Variants in IL31RA observed in about 807,000 individuals in gnomAD.
IL31RA encodes the protein interleukin 31 receptor A, also known as interleukin-31 receptor subunit alpha.
Under a neutral mutation model 83.7 loss-of-function variants are expected in IL31RA, and 66 were observed. That is an observed-to-expected ratio of 0.79 (90% CI 0.65 to 0.97). The LOEUF is 0.97. Ranked by LOEUF, IL31RA falls within the 50% of genes least tolerant of loss-of-function variation. IL31RA has a pLI of 0.00. For synonymous variants in IL31RA, 325 were observed against 329.0 expected (o/e 0.99, Z 0.13); for missense variants, 798 against 919.4 (o/e 0.87, Z 1.71).
intron 13 of IL31RA, 68 bp from the exon 14 acceptor site, chr5:55,914,779 T>G: frequency 8.9e-7 from 1 of 1,126,254 alleles, no homozygotes; most frequent in Non-Finnish European, 1.4e-6. Flanking sequence ...CTCACTCTTT[T>G]GACTCAGCCA....
At chr5:55,850,389 A>G (rs186916913), upstream of IL31RA, among the ~76,000 whole-genome samples, 7 of 152,136 alleles carry the variant, frequency 4.6e-5, no homozygotes, top group East Asian at 1.9e-4. Flanking sequence ...CTTTTCTTCT[A>G]TCTTCTGGAA....
rs1290962192 is a variant in IL31RA, at chr5:55,921,166, A to C, written c.*4046A>C. On this transcript the variant is annotated 3_prime_UTR_variant, in exon 15 of 15. Transcript: ENST00000652347. ...AGGTGTCCCCTCTTTTTTCTAATTT[A>C]AAATTTGTTTTAAATTCAACTTTAC... Among the ~76,000 whole-genome samples, 5 of 152,166 alleles carry C rather than the reference A, an allele frequency of 3.3e-5. No homozygotes were observed. The East Asian group carries it at 9.6e-4, about 29-fold the overall frequency.
Position 55,900,105 on chromosome 5 carries a change from C to T in IL31RA, c.1042C>T (p.Leu348=). The change falls in exon 8 of 15, where the codon CTG becomes TTG. Residue 348 remains leucine, a synonymous_variant. Transcript: ENST00000652347. ...NSLGKSPVAT[L]RIPAIQEKSF... is the part of the protein sequence containing the mutation. Reference sequence around the variant, plus strand: ...TCTTGGGAAGTCTCCAGTGGCCACCCTGAGGATTCCAGCTATTCAAGAAAA... The same window carrying T: ...TCTTGGGAAGTCTCCAGTGGCCACCTTGAGGATTCCAGCTATTCAAGAAAA... The T allele has an allele frequency of 6.2e-7, 1 of 1,613,650 alleles. No homozygotes were observed. Among genetic ancestry groups the T allele is most frequent in the Non-Finnish European group, 8.5e-7 (1 of 1,179,598 alleles).
At position 55,917,376 on chromosome 5, in the gene IL31RA, A is replaced by C; in HGVS notation, c.*256A>C. 1.0e-5 allele frequency: 13 copies of C among 1,299,538 alleles called. No homozygotes were observed. Among genetic ancestry groups the C allele is most frequent in the Non-Finnish European group, 1.3e-5 (13 of 1,005,794 alleles). 80.5% of individuals were successfully genotyped at this position (1,299,538 alleles called of 1,614,324 possible). ...TCGTTTGTTCAGATACCAAGCTCTC[A>C]CCGAGGCCTCCTGACAGATTGACTT... On this transcript the variant is annotated 3_prime_UTR_variant, in exon 15 of 15. Transcript: ENST00000652347.
chr5:55,857,070 C>T (rs1220758944), intron 1 of IL31RA, among the ~76,000 whole-genome samples: 1 of 151,532 alleles, frequency 6.6e-6, no homozygotes. Flanking sequence ...TATTTCTAAG[C>T]CCCTGGGAGG....
chr5:55,841,889 G>A, the IL31RA span, among the ~76,000 whole-genome samples: 1 of 151,784 alleles, frequency 6.6e-6, no homozygotes, highest in Non-Finnish European at 1.5e-5. Flanking sequence ...CAAGATGTCA[G>A]CAGTGTTCCT....
At chr5:55,850,198 G>A (rs1304826148), upstream of IL31RA, among the ~76,000 whole-genome samples, 2 of 152,018 alleles carry the variant, frequency 1.3e-5, no homozygotes, top group Non-Finnish European at 2.9e-5. Flanking sequence ...GTACTTCAGT[G>A]TAGATTTATT....
At chr5:55,881,233 C>T (rs550961640) in intron 4 of IL31RA, among the ~76,000 whole-genome samples, 4 of 151,026 alleles carry the variant, frequency 2.6e-5, no homozygotes, top group East Asian at 1.9e-4. Context: ...ACCCGGAAGG[C>T]GGAGCTTGCA....
chr5:55,856,745 G>A lies in IL31RA; in HGVS notation c.64-2764G>A, dbSNP rs570496921. 1.4e-4 allele frequency among the ~76,000 whole-genome samples: 21 copies of A among 152,232 alleles called. 1 individual carries two copies. The highest frequency in any genetic ancestry group is 4.8e-4 in the African/African-American group (20 of 41,538). ...TGTGGCTGCCCTGTCAGAGTCTTTC[G>A]CTCCAGTGACAGGAAATTTCATAAT... On this transcript the variant is annotated intron_variant, in intron 1 of 14. Coordinates refer to ENST00000652347, the MANE Select transcript of IL31RA (RefSeq NM_139017.7).
intron 4 of IL31RA, among the ~76,000 whole-genome samples, chr5:55,881,801 C>T (rs1190125724): frequency 1.4e-5 from 2 of 147,186 alleles, no homozygotes; most frequent in Admixed American, 6.9e-5. Context: ...AATCTGCCAC[C>T]TCTGCCTACT....
chr5:55,879,425 C>CTTTTTGTTTTTTT (rs1747056232), intron 4 of IL31RA, among the ~76,000 whole-genome samples: 1 of 45,800 alleles, frequency 2.2e-5, no homozygotes, highest in Non-Finnish European at 3.6e-5. Flanking sequence ...AGTTTCTGTC[C>CTTTTTGTTTTTTT]TTTTTTTTTT....
Position 55,920,935 on chromosome 5 carries a change from T to G in IL31RA, c.*3815T>G, listed in dbSNP as rs1271866335. 2.0e-5 allele frequency among the ~76,000 whole-genome samples: 3 copies of G among 152,132 alleles called. No homozygotes were observed. The highest frequency in any genetic ancestry group is 6.5e-5 in the Admixed American group (1 of 15,270). ...GGTGATGCCTGGAGATATTTTTGAT[T>G]GTCACGACTGGGAAGGTGCTACTGG... On this transcript the variant is annotated 3_prime_UTR_variant, in exon 15 of 15. Transcript: ENST00000652347.
chr5:55,854,900 T>C (rs1364784658), intron 1 of IL31RA, among the ~76,000 whole-genome samples: 1 of 152,174 alleles, frequency 6.6e-6, no homozygotes, highest in Non-Finnish European at 1.5e-5. Context: ...AAGGCCATTA[T>C]TACTGCGACT....
intron 3 of IL31RA, among the ~76,000 whole-genome samples, chr5:55,869,515 C>T (rs1274259953): frequency 2.6e-5 from 4 of 152,130 alleles, no homozygotes; most frequent in African/African-American, 9.7e-5. Flanking sequence ...ACTCTGTCCC[C>T]CAGGCTGGAG....
At chr5:55,868,639 A>G in intron 2 of IL31RA, 152 bp from the exon 3 acceptor site, 3 of 722,158 alleles carry the variant, frequency 4.2e-6, no homozygotes, top group East Asian at 2.5e-5. Context: ...GATTCTTTCC[A>G]TTGAACCTGA....
chr5:55,906,969 G>A (rs1055898538), intron 9 of IL31RA, among the ~76,000 whole-genome samples: 4 of 152,074 alleles, frequency 2.6e-5, no homozygotes, highest in African/African-American at 9.7e-5. Flanking sequence ...ACACAGGCAG[G>A]GATGCAGGCA....
chr5:55,882,354 T>C (rs7713328), intron 4 of IL31RA, among the ~76,000 whole-genome samples: 4,270 of 152,322 alleles, frequency 0.028, 118 homozygotes, highest in African/African-American at 0.066. Context: ...TATATGCTGA[T>C]TGCATAATGT....
chr5:55,898,048 C>A (rs560068602), intron 7 of IL31RA, among the ~76,000 whole-genome samples: 2 of 152,174 alleles, frequency 1.3e-5, no homozygotes, highest in Non-Finnish European at 2.9e-5. Flanking sequence ...GTGCTGCCGC[C>A]GCATGGGACA....
At chr5:55,867,244 T>C (rs1469891436) in intron 2 of IL31RA, among the ~76,000 whole-genome samples, 2 of 93,778 alleles carry the variant, frequency 2.1e-5, no homozygotes, top group East Asian at 2.5e-4. Flanking sequence ...TGTGTGTGTG[T>C]TTGTGTGTGC....
Sources: allele counts gnomAD v4.1 joint callset (sites outside exome capture counted in the v4.1 genomes callset), GRCh38; gene constraint gnomAD v4.1.1; transcripts MANE v1.5; gene names NCBI Gene and HGNC (gene_info 2026-07-23, HGNC 2026-07-21).